Variants in EYS observed in about 807,000 individuals in gnomAD.
The protein encoded by EYS is protein eyes shut homolog.
In EYS, 250 loss-of-function variants were observed where a neutral mutation model predicts 282.1. The observed-to-expected ratio is 0.89, with a 90% confidence interval of 0.80 to 0.98. The LOEUF is 0.98. EYS is among the 50% of genes least tolerant of loss of function. The pLI is 0.00. For synonymous variants in EYS, 1,355 were observed against 1,282.9 expected (o/e 1.06, Z -1.20); for missense variants, 4,016 against 3,709.0 (o/e 1.08, Z -2.15).
chr6:64,675,455 T>C (rs1769623592), intron 22 of EYS, among the ~76,000 whole-genome samples: 1 of 123,530 alleles, frequency 8.1e-6, no homozygotes, highest in South Asian at 2.6e-4. Context: ...TGAGATGGAG[T>C]CTGGCTCTGT....
At chr6:65,340,913 C>T (rs1439734642) in intron 10 of EYS, among the ~76,000 whole-genome samples, 1 of 151,056 alleles carries the variant, frequency 6.6e-6, no homozygotes, top group East Asian at 2.0e-4. Context: ...ACGCTGAGAC[C>T]ACTGGATATT....
chr6:64,834,734 C>T (rs1255167513), intron 19 of EYS, among the ~76,000 whole-genome samples: 2 of 151,742 alleles, frequency 1.3e-5, no homozygotes, highest in Non-Finnish European at 2.9e-5. Context: ...TACTAAGTCT[C>T]TATAATGTTT....
intron 22 of EYS, among the ~76,000 whole-genome samples, chr6:64,661,795 C>T (rs1430072258): frequency 1.5e-5 from 2 of 136,524 alleles, no homozygotes; most frequent in African/African-American, 2.9e-5. Flanking sequence ...GGACTGTAAA[C>T]TAGTTCAACC....
rs146524075 is a variant in EYS at position 64,287,405 on chromosome 6, T to C, written c.6191+19565A>G. ...TCTACAATTTTATAAAAATTTAATA[T>C]AAAAATGAGTACAAAATATACATAT... On this transcript the variant is annotated intron_variant, in intron 30 of 42. Transcript: ENST00000503581. Among the ~76,000 whole-genome samples the C allele has an allele frequency of 8.3e-3, 1,261 of 152,252 alleles. 12 individuals carry two copies. Among genetic ancestry groups the C allele is most frequent in the African/African-American group, 0.029 (1,201 of 41,572 alleles).
chr6:65,617,460 A>C (rs994266063), intron 2 of EYS, among the ~76,000 whole-genome samples: 12 of 152,226 alleles, frequency 7.9e-5, no homozygotes, highest in Admixed American at 1.3e-4. Flanking sequence ...AAAATTAGCA[A>C]GGTATATTGA....
chr6:64,009,922 G>T (rs953265567), intron 33 of EYS, among the ~76,000 whole-genome samples: 1 of 152,018 alleles, frequency 6.6e-6, no homozygotes, highest in African/African-American at 2.4e-5. Flanking sequence ...GTTTGTTTTT[G>T]CTTTTATCTT....
At chr6:64,386,280 T>C (rs1037265184) in intron 29 of EYS, among the ~76,000 whole-genome samples, 9 of 152,310 alleles carry the variant, frequency 5.9e-5, no homozygotes, top group African/African-American at 2.2e-4. Context: ...AAAGACATAC[T>C]TGAGACAGGG....
intron 31 of EYS, among the ~76,000 whole-genome samples, chr6:64,118,251 C>G (rs191029687): frequency 1.3e-5 from 2 of 152,170 alleles, no homozygotes; most frequent in South Asian, 4.1e-4. Flanking sequence ...GTGCATAAAA[C>G]AAAGCTGGAG....
intron 1 of EYS, among the ~76,000 whole-genome samples, chr6:65,706,538 TAA>T (rs1769886049): frequency 6.6e-6 from 1 of 152,032 alleles, no homozygotes; most frequent in Non-Finnish European, 1.5e-5. Flanking sequence ...CTACAGCTGT[TAA>T]AAAATCATCA....
intron 30 of EYS, among the ~76,000 whole-genome samples, chr6:64,234,736 T>A (rs1766529645): frequency 1.3e-5 from 2 of 152,320 alleles, no homozygotes; most frequent in South Asian, 4.1e-4. Flanking sequence ...AAACGTTTAA[T>A]CTACATTCTG....
chr6:64,988,288 A>T (rs951765028), intron 14 of EYS, among the ~76,000 whole-genome samples: 2 of 151,562 alleles, frequency 1.3e-5, no homozygotes, highest in African/African-American at 4.8e-5. Flanking sequence ...GATGCAGAGC[A>T]TTTCAGCAGA....
chr6:64,397,861 A>G (rs1241871289), intron 28 of EYS, among the ~76,000 whole-genome samples: 1 of 151,934 alleles, frequency 6.6e-6, no homozygotes, highest in Non-Finnish European at 1.5e-5. Context: ...TTCAGGATAG[A>G]AAATTTTTTC....
chr6:64,262,811 T>G (rs1269999053), intron 30 of EYS, among the ~76,000 whole-genome samples: 1 of 152,060 alleles, frequency 6.6e-6, no homozygotes, highest in Non-Finnish European at 1.5e-5. Flanking sequence ...ACTTACCCAG[T>G]ATGTCTCTCT....
intron 41 of EYS, among the ~76,000 whole-genome samples, chr6:63,735,458 CTGTCTCTGTCTTCCTG>C (rs2149637630): frequency 6.6e-6 from 1 of 151,708 alleles, no homozygotes; most frequent in East Asian, 1.9e-4. Context: ...CTCTCATTTC[CTGTCTCTGTCTTCCTG>C]TGTCTCTGTC....
chr6:64,431,533 G>C (rs1004019939), intron 28 of EYS, among the ~76,000 whole-genome samples: 2 of 152,160 alleles, frequency 1.3e-5, no homozygotes, highest in Non-Finnish European at 2.9e-5. Flanking sequence ...CTGTAGAGCG[G>C]ATCTGGAGAA....
intron 30 of EYS, among the ~76,000 whole-genome samples, chr6:64,258,399 GATGAA>G (rs1767473834): frequency 6.6e-6 from 1 of 151,984 alleles, no homozygotes; most frequent in South Asian, 2.1e-4. Context: ...GCTAATCAGA[GATGAA>G]ATAAATAACT....
At chr6:64,820,734 A>G (rs1764874056) in intron 21 of EYS, among the ~76,000 whole-genome samples, 1 of 152,148 alleles carries the variant, frequency 6.6e-6, no homozygotes. Context: ...GAGAACACAC[A>G]GTAGGTAAGT....
At chr6:63,970,819 G>C (rs1163099576) in intron 35 of EYS, among the ~76,000 whole-genome samples, 5 of 152,120 alleles carry the variant, frequency 3.3e-5, no homozygotes, top group African/African-American at 1.2e-4. Flanking sequence ...TAAAAATGAT[G>C]AGAGGAAGGA....
chr6:64,861,032 C>T (rs34744999), intron 19 of EYS, among the ~76,000 whole-genome samples: 1 of 152,164 alleles, frequency 6.6e-6, no homozygotes, highest in Non-Finnish European at 1.5e-5. Flanking sequence ...TACTGACAAC[C>T]CAGACCCCAG....
Sources: gnomAD v4.1 joint callset for allele counts (sites outside exome capture counted in the v4.1 genomes callset) on GRCh38, gnomAD v4.1.1 for gene constraint, MANE v1.5 for transcripts, NCBI Gene and HGNC (gene_info 2026-07-23, HGNC 2026-07-21) for gene names.